The following LDB2 variants were observed in gnomAD, a reference collection of about 807,000 sequenced individuals.
LDB2 encodes LIM domain-binding protein 2.
A neutral mutation model predicts 44.3 loss-of-function variants in LDB2; 12 were observed. That is an observed-to-expected ratio of 0.27 (90% CI 0.17 to 0.44). LDB2 has a LOEUF of 0.44. Ranked by LOEUF, LDB2 falls within the 20% of genes least tolerant of loss-of-function variation. The probability of loss-of-function intolerance (pLI) is 1.00; values close to 1 mark genes in which losing one functional copy is unlikely to be tolerated. For missense variants in LDB2, 344 were observed against 473.5 expected, an observed-to-expected ratio of 0.73 and a Z score of 2.54; for synonymous variants, 164 against 174.8, an observed-to-expected ratio of 0.94 and a Z score of 0.49.
intron 1 of LDB2, among the ~76,000 whole-genome samples, chr4:16,766,769 G>C (rs1297867606): frequency 6.6e-6 from 1 of 152,036 alleles, no homozygotes; most frequent in African/African-American, 2.4e-5. Flanking sequence ...GCCTCCCAAA[G>C]TGCTGGGATT....
intron 2 of LDB2, among the ~76,000 whole-genome samples, chr4:16,681,565 G>T (rs1310393483): frequency 6.8e-6 from 1 of 146,552 alleles, no homozygotes; most frequent in African/African-American, 2.5e-5. Flanking sequence ...CAATAAGAAT[G>T]AATTCAATCA....
intron 5 of LDB2, among the ~76,000 whole-genome samples, chr4:16,518,985 A>G (rs2152268170): frequency 6.6e-6 from 1 of 152,326 alleles, no homozygotes; most frequent in East Asian, 1.9e-4. Context: ...GTCTCCGACC[A>G]TCCTATCCTG....
chr4:16,826,438 C>T (rs1561362841), intron 1 of LDB2: 1 of 152,204 alleles, frequency 6.6e-6, no homozygotes. Flanking sequence ...ACCTGGGGCT[C>T]ATCTACATTT....
In LDB2 at chr4:16,783,880, T is replaced by C. The variant is rs10003845; in HGVS notation, c.133-24620A>G. On this transcript the variant is annotated intron_variant, in intron 1 of 7. Transcript: ENST00000304523. ...TAAAAAAGTTTTTATTTTGTTGCAA[T>C]GTATAATTGCTTGCTTTGTGCTAGA... Among the ~76,000 whole-genome samples, 525 of 152,342 alleles carry C rather than the reference T, an allele frequency of 3.4e-3. 3 individuals are homozygous for C. The highest frequency in any genetic ancestry group is 0.011 in the African/African-American group (469 of 41,576).
intron 1 of LDB2, among the ~76,000 whole-genome samples, chr4:16,865,367 GC>G (rs1312027898): frequency 6.6e-6 from 1 of 152,200 alleles, no homozygotes; most frequent in Non-Finnish European, 1.5e-5. Flanking sequence ...ATTGCAGGAA[GC>G]CTCTGCATTC....
chr4:16,697,520 T>C (rs283030), intron 2 of LDB2, among the ~76,000 whole-genome samples: 77,100 of 151,790 alleles, frequency 0.51, 19,837 homozygotes, highest in East Asian at 0.78. Context: ...GGCTTCTTCC[T>C]ACCTGTCTGC....
At chr4:16,608,492 G>A (rs1443272679) in intron 2 of LDB2, among the ~76,000 whole-genome samples, 1 of 152,174 alleles carries the variant, frequency 6.6e-6, no homozygotes, top group African/African-American at 2.4e-5. Context: ...ACCAGCTGTG[G>A]GGTATGACAT....
In LDB2 at chr4:16,511,993, C is replaced by A. The variant is rs1721933888; in HGVS notation, c.727G>T (p.Val243Leu). ...TCLFQKWQRM[V>L]APPAEPTRQP... is the part of the protein sequence containing the mutation. ...AATGAGGGTGTACCTGGCGGAGCCA[C>A]CATCCTCTGCCACTTCTGAAACAAG... Residue 243 changes from valine to leucine, a missense_variant, in exon 6 of 8, where the codon GTG becomes TTG. Around this residue, in one of 3 missense-constraint regions of LDB2, gnomAD observed 86 missense variants for 171.2 expected, o/e 0.50. Coordinates refer to ENST00000304523, the MANE Select transcript of LDB2 (RefSeq NM_001290.5). 6.2e-7 allele frequency: 1 copy of A among 1,613,124 alleles called. No homozygotes were observed. Among genetic ancestry groups the A allele is most frequent in the South Asian group, 1.1e-5 (1 of 90,990 alleles).
At chr4:16,585,803 G>C in intron 5 of LDB2, 119 bp downstream of exon 5, 1 of 689,854 alleles carries the variant, frequency 1.4e-6, no homozygotes, top group Non-Finnish European at 2.6e-6. Flanking sequence ...ATCTGGTACA[G>C]AACATAGACA....
At chr4:16,690,516 AGGGG>A (rs1462276989) in intron 2 of LDB2, among the ~76,000 whole-genome samples, 1 of 3,012 alleles carries the variant, frequency 3.3e-4, no homozygotes, top group African/African-American at 9.0e-4. Flanking sequence ...GGAGGGAGGG[AGGGG>A]GGAGGGAGGG....
At chr4:16,536,745 C>A (rs1028832411) in intron 5 of LDB2, among the ~76,000 whole-genome samples, 3 of 152,168 alleles carry the variant, frequency 2.0e-5, no homozygotes, top group Non-Finnish European at 4.4e-5. Context: ...CTGCTGAACA[C>A]CTTCCCAAAG....
At chr4:16,815,504 C>A (rs894142009) in intron 1 of LDB2, among the ~76,000 whole-genome samples, 4 of 152,110 alleles carry the variant, frequency 2.6e-5, no homozygotes, top group African/African-American at 9.7e-5. Context: ...AATCTAGTAC[C>A]CTTTCCAGTG....
At chr4:16,771,626 G>A (rs943754708) in intron 1 of LDB2, among the ~76,000 whole-genome samples, 3 of 152,108 alleles carry the variant, frequency 2.0e-5, no homozygotes, top group Non-Finnish European at 2.9e-5. Context: ...ACTTAGGCCA[G>A]CATTTGAGAA....
chr4:16,529,209 C>T (rs1577404508), intron 5 of LDB2, among the ~76,000 whole-genome samples: 2 of 152,094 alleles, frequency 1.3e-5, no homozygotes, highest in East Asian at 1.9e-4. Flanking sequence ...ATAGATTTGT[C>T]CTCCTTGAAC....
At chr4:16,688,910 G>A (rs1749910335) in intron 2 of LDB2, among the ~76,000 whole-genome samples, 1 of 152,180 alleles carries the variant, frequency 6.6e-6, no homozygotes, top group African/African-American at 2.4e-5. Context: ...TGTGGATTCT[G>A]CATCAGGCAA....
intron 1 of LDB2, among the ~76,000 whole-genome samples, chr4:16,765,363 C>A (rs533404280): frequency 3.7e-4 from 56 of 152,310 alleles, no homozygotes; most frequent in African/African-American, 1.3e-3. Context: ...CCTGCCTTTG[C>A]ATATGTCATT....
At chr4:16,894,261 G>A (rs1368828521) in intron 1 of LDB2, among the ~76,000 whole-genome samples, 1 of 151,986 alleles carries the variant, frequency 6.6e-6, no homozygotes, top group African/African-American at 2.4e-5. Context: ...GAAGACATTG[G>A]GTCAATTTTT....
chr4:16,819,100 G>GCA (rs1446500162), intron 1 of LDB2, among the ~76,000 whole-genome samples: 5 of 139,756 alleles, frequency 3.6e-5, no homozygotes, highest in African/African-American at 1.3e-4. Context: ...GCTTGTGTGT[G>GCA]TGTGTGTGTG....
At chr4:16,683,427 A>T (rs530573256) in intron 2 of LDB2, among the ~76,000 whole-genome samples, 3 of 152,234 alleles carry the variant, frequency 2.0e-5, no homozygotes, top group Admixed American at 6.5e-5. Context: ...TAGTGCTACC[A>T]TTAATTACAA....
Sources: allele counts gnomAD v4.1 joint callset (sites outside exome capture counted in the v4.1 genomes callset), GRCh38; gene constraint gnomAD v4.1.1; regional missense constraint gnomAD v4.1.1; transcripts MANE v1.5; gene names NCBI Gene and HGNC (gene_info 2026-07-23, HGNC 2026-07-21).